ACVR2A: variants seen among roughly 807,000 people sequenced by gnomAD.
The protein encoded by ACVR2A is activin A receptor type 2A.
A neutral mutation model predicts 61.4 loss-of-function variants in ACVR2A; 7 were observed. The ratio of observed to expected loss-of-function variants is 0.11; its 90% confidence interval spans 0.06 to 0.21. ACVR2A has a LOEUF of 0.21. Among genes scored for constraint, ACVR2A ranks in the 10% least tolerant of loss-of-function variants. ACVR2A has a pLI of 1.00. For synonymous variants in ACVR2A, 193 were observed against 208.3 expected (o/e 0.93, Z 0.63); for missense variants, 322 against 621.7 (o/e 0.52, Z 5.13).
At chr2:147,879,085 G>A (rs972470879) in intron 1 of ACVR2A, among the ~76,000 whole-genome samples, 2 of 152,126 alleles carry the variant, frequency 1.3e-5, no homozygotes, top group Non-Finnish European at 2.9e-5. Flanking sequence ...ACTGTTTTCA[G>A]TGGTTCAAGA....
At chr2:147,905,786 C>T (rs1686975000) in intron 4 of ACVR2A, among the ~76,000 whole-genome samples, 1 of 152,076 alleles carries the variant, frequency 6.6e-6, no homozygotes, top group African/African-American at 2.4e-5. Context: ...ATTTATTCCA[C>T]TTACAAATGC....
chr2:147,864,946 T>C (rs1685815166), intron 1 of ACVR2A, among the ~76,000 whole-genome samples: 1 of 151,918 alleles, frequency 6.6e-6, no homozygotes, highest in African/African-American at 2.4e-5. Flanking sequence ...ATTCTGAAAC[T>C]AAAAATGCAA....
intron 1 of ACVR2A, among the ~76,000 whole-genome samples, chr2:147,849,115 A>G (rs1014728951): frequency 7.9e-5 from 12 of 152,162 alleles, no homozygotes; most frequent in South Asian, 4.1e-4. Flanking sequence ...AAATATTCCA[A>G]TGACTTATGG....
intron 1 of ACVR2A, among the ~76,000 whole-genome samples, chr2:147,888,681 CTTT>C (rs1156497786): frequency 7.3e-6 from 1 of 136,752 alleles, no homozygotes; most frequent in African/African-American, 2.7e-5. Context: ...GCTGCTGCTT[CTTT>C]TTTTTTTTTT....
At chr2:147,901,599 G>C (rs1398382365) in intron 4 of ACVR2A, among the ~76,000 whole-genome samples, 4 of 151,958 alleles carry the variant, frequency 2.6e-5, no homozygotes, top group Admixed American at 2.6e-4. Flanking sequence ...TATGGTTAAA[G>C]TTACTGTACA....
intron 1 of ACVR2A, among the ~76,000 whole-genome samples, chr2:147,873,915 C>T (rs1476675410): frequency 6.6e-6 from 1 of 151,802 alleles, no homozygotes; most frequent in Non-Finnish European, 1.5e-5. Flanking sequence ...ACAAGAGAAG[C>T]CATTGAGATC....
chr2:147,912,658 A>T (rs1687146985), intron 4 of ACVR2A, among the ~76,000 whole-genome samples: 1 of 151,982 alleles, frequency 6.6e-6, no homozygotes, highest in African/African-American at 2.4e-5. Context: ...AGGATGAGTG[A>T]AACTTACAGA....
chr2:147,869,707 C>G (rs1333017531), intron 1 of ACVR2A, among the ~76,000 whole-genome samples: 1 of 152,032 alleles, frequency 6.6e-6, no homozygotes, highest in Non-Finnish European at 1.5e-5. Flanking sequence ...CAGATGAATA[C>G]CAGCTGAGTA....
At chr2:147,910,700 TAGACCCTTACCTATTTTGGGATGACTGG>T (rs933653917) in intron 4 of ACVR2A, among the ~76,000 whole-genome samples, 10 of 152,264 alleles carry the variant, frequency 6.6e-5, no homozygotes, top group Non-Finnish European at 1.3e-4. Context: ...ATTTTAAATT[TAGACCCTTACCTATTTTGGGATGACTGG>T]AAAAATGAAA....
intron 1 of ACVR2A, among the ~76,000 whole-genome samples, chr2:147,852,387 A>G (rs552515507): frequency 6.6e-6 from 1 of 152,238 alleles, no homozygotes; most frequent in East Asian, 1.9e-4. Flanking sequence ...TGACCAACTA[A>G]TGGATTGTAA....
chr2:147,909,521 G>T (rs955961069), intron 4 of ACVR2A, among the ~76,000 whole-genome samples: 1 of 152,044 alleles, frequency 6.6e-6, no homozygotes, highest in East Asian at 1.9e-4. Flanking sequence ...GTGCAGATTC[G>T]ATTTTCACCG....
Position 147,852,503 on chromosome 2 carries a change from A to G in ACVR2A, c.55+7296A>G, listed in dbSNP as rs536751076. On this transcript the variant is annotated intron_variant, in intron 1 of 10. Transcript: ENST00000241416. ...TGTAAATGTGTGCAATGAAAAATAT[A>G]TGCACTGAAAAATATGGTCATTAAT... Among the ~76,000 whole-genome samples the G allele has an allele frequency of 2.2e-4, 34 of 152,206 alleles. No homozygotes were observed. The South Asian group carries it at 6.8e-3, about 31-fold the overall frequency.
chr2:147,859,823 C>G (rs1685681112), intron 1 of ACVR2A, among the ~76,000 whole-genome samples: 1 of 152,090 alleles, frequency 6.6e-6, no homozygotes, highest in Non-Finnish European at 1.5e-5. Context: ...GATGAGAAAA[C>G]AGGGTCATAC....
At chr2:147,903,965 AT>A in intron 4 of ACVR2A, among the ~76,000 whole-genome samples, 1 of 152,138 alleles carries the variant, frequency 6.6e-6, no homozygotes, top group East Asian at 1.9e-4. Flanking sequence ...ATGTCCAGGG[AT>A]TCCTTTAATA....
At chr2:147,859,751 A>G (rs1393893825) in intron 1 of ACVR2A, among the ~76,000 whole-genome samples, 3 of 151,338 alleles carry the variant, frequency 2.0e-5, no homozygotes, top group Admixed American at 6.6e-5. Context: ...CAGTCTCTTG[A>G]TTTCTTGCTA....
intron 1 of ACVR2A, among the ~76,000 whole-genome samples, chr2:147,868,601 TTC>T (rs989542848): frequency 1.3e-5 from 2 of 151,316 alleles, no homozygotes; most frequent in Non-Finnish European, 1.5e-5. Context: ...TCATTTCTGT[TTC>T]TGTTATATTT....
At chr2:147,888,050 C>T (rs572447062) in intron 1 of ACVR2A, among the ~76,000 whole-genome samples, 65 of 152,282 alleles carry the variant, frequency 4.3e-4, no homozygotes, top group African/African-American at 1.5e-3. Flanking sequence ...TCTGATTGCT[C>T]CAGCTCCATT....
At chr2:147,892,022 C>T (rs545536777) in intron 1 of ACVR2A, among the ~76,000 whole-genome samples, 3 of 151,584 alleles carry the variant, frequency 2.0e-5, no homozygotes, top group Admixed American at 1.3e-4. Flanking sequence ...CCCAGGCTGG[C>T]GTGCAGTGGT....
At chr2:147,882,079 A>G (rs1234952846) in intron 1 of ACVR2A, among the ~76,000 whole-genome samples, 2 of 152,198 alleles carry the variant, frequency 1.3e-5, no homozygotes, top group Non-Finnish European at 1.5e-5. Flanking sequence ...ATGTTGAGGC[A>G]TTTTAAGAAA....
Sources: gnomAD v4.1 joint callset for allele counts (sites outside exome capture counted in the v4.1 genomes callset) on GRCh38, gnomAD v4.1.1 for gene constraint, MANE v1.5 for transcripts, NCBI Gene and HGNC (gene_info 2026-07-23, HGNC 2026-07-21) for gene names.